BPTF: variants seen among roughly 807,000 people sequenced by gnomAD.
BPTF encodes nucleosome-remodeling factor subunit BPTF.
In BPTF, 18 loss-of-function variants were observed where a neutral mutation model predicts 292.5. The observed-to-expected ratio is 0.06, with a 90% confidence interval of 0.04 to 0.09. The LOEUF (loss-of-function observed/expected upper bound fraction) is 0.09. BPTF is among the 10% of genes least tolerant of loss of function. The pLI, the probability that BPTF is intolerant of heterozygous loss-of-function variation, is 1.00. For missense variants in BPTF, 2,726 were observed against 3,498.7 expected, an observed-to-expected ratio of 0.78 and a Z score of 5.57; for synonymous variants, 1,225 against 1,251.9, an observed-to-expected ratio of 0.98 and a Z score of 0.45.
chr17:67,938,751 T>C (rs748686993), intron 18 of BPTF, among the ~76,000 whole-genome samples: 15 of 152,196 alleles, frequency 9.9e-5, no homozygotes, highest in Non-Finnish European at 2.2e-4. Context: ...TTAAAAAGAC[T>C]AGTCTGGCCG....
At chr17:67,853,358 A>C (rs894810422) in intron 1 of BPTF, among the ~76,000 whole-genome samples, 3 of 152,000 alleles carry the variant, frequency 2.0e-5, no homozygotes, top group African/African-American at 4.8e-5. Flanking sequence ...CCTCCTCTGC[A>C]CTTCCTTCCT....
chr17:67,971,125 CT>C (rs2068711599), intron 26 of BPTF, among the ~76,000 whole-genome samples: 1 of 152,156 alleles, frequency 6.6e-6, no homozygotes, highest in African/African-American at 2.4e-5. Context: ...ACCGCCCAGG[CT>C]GGAGTGCAGT....
At chr17:67,945,290 G>A (rs1017269776) in intron 20 of BPTF, 119 bp from the exon 21 acceptor site, 1 of 1,498,040 alleles carries the variant, frequency 6.7e-7, no homozygotes, top group African/African-American at 1.4e-5. Flanking sequence ...AAGGTGCACA[G>A]GTGTGAGCCA....
At chr17:67,832,124 G>T (rs1314312549) in intron 1 of BPTF, among the ~76,000 whole-genome samples, 3 of 152,042 alleles carry the variant, frequency 2.0e-5, no homozygotes, top group African/African-American at 7.2e-5. Context: ...TCCTGACCTT[G>T]TGATCCGCCT....
chr17:67,869,827 CAAAAAAA>C (rs772941425), intron 3 of BPTF, among the ~76,000 whole-genome samples: 829 of 56,434 alleles, frequency 0.015, 6 homozygotes, highest in Non-Finnish European at 0.023. Flanking sequence ...ACTAAAAATA[CAAAAAAA>C]AAAAAAAAAA....
At chr17:67,856,917 G>A (rs1199386760) in intron 2 of BPTF, among the ~76,000 whole-genome samples, 3 of 152,018 alleles carry the variant, frequency 2.0e-5, no homozygotes, top group African/African-American at 7.3e-5. Context: ...AGCTTGAAGG[G>A]GAGAATGGTG....
At chr17:67,826,363 G>C in intron 1 of BPTF, 26 bp downstream of exon 1, 1 of 1,589,210 alleles carries the variant, frequency 6.3e-7, no homozygotes, top group Non-Finnish European at 8.6e-7. Flanking sequence ...AGTTGCTGCA[G>C]ACTCCTTCCC....
chr17:67,926,426 G>T (rs1046133288), intron 15 of BPTF, among the ~76,000 whole-genome samples: 1 of 142,290 alleles, frequency 7.0e-6, no homozygotes, highest in African/African-American at 2.6e-5. Context: ...CCGGGTTCAC[G>T]CCATTCTCCT....
intron 18 of BPTF, among the ~76,000 whole-genome samples, chr17:67,934,609 C>T (rs1018419503): frequency 3.3e-5 from 5 of 151,612 alleles, no homozygotes; most frequent in Non-Finnish European, 5.9e-5. Context: ...GGTGTGGTGG[C>T]TCACTCCTGT....
intron 3 of BPTF, among the ~76,000 whole-genome samples, chr17:67,871,806 C>T (rs2059755796): frequency 6.6e-6 from 1 of 151,904 alleles, no homozygotes; most frequent in Non-Finnish European, 1.5e-5. Context: ...GTCTCTTTTT[C>T]TTTTTGTTGT....
chr17:67,918,590 A>G (rs990495308), intron 11 of BPTF, 124 bp from the exon 12 acceptor site: 4 of 815,948 alleles, frequency 4.9e-6, no homozygotes, highest in East Asian at 5.9e-5. Context: ...AAACCATATT[A>G]TAAATACTGG....
In BPTF at chr17:67,854,238, C is replaced by G; in HGVS notation, c.912C>G (p.Thr304=). The G allele has an allele frequency of 1.9e-6, 3 of 1,614,166 alleles. No homozygotes were observed. Among genetic ancestry groups the G allele is most frequent in the South Asian group, 2.2e-5 (2 of 91,084 alleles). ...GTGAAGAAGACACTTCCAATACTAC[C>G]TTTGGACCTGCTGATCTGAAAGATA... ...VLREEDTSNT[T]FGPADLKDSV... is the part of the protein sequence containing the mutation. Residue 304 remains threonine, a synonymous_variant, in exon 2 of 28, where the codon ACC becomes ACG. Coordinates refer to ENST00000306378, the MANE Select transcript of BPTF (RefSeq NM_182641.4). This position sits in a 1 kb window ranked among gnomAD's most constrained non-coding sequence, Gnocchi z 5.6.
intron 12 of BPTF, among the ~76,000 whole-genome samples, chr17:67,919,217 AT>A (rs60254895): frequency 3.0e-5 from 4 of 131,612 alleles, no homozygotes; most frequent in African/African-American, 1.1e-4. Flanking sequence ...AATAATAATA[AT>A]AAAATATAAT....
chr17:67,851,820 G>A (rs1485818352), intron 1 of BPTF, among the ~76,000 whole-genome samples: 2 of 151,686 alleles, frequency 1.3e-5, no homozygotes, highest in Non-Finnish European at 2.9e-5. Context: ...CAGTTTGTTT[G>A]GTTAAACTGT....
Position 67,911,414 on chromosome 17 carries a change from C to T in BPTF, c.3530C>T (p.Thr1177Ile), listed in dbSNP as rs755627189. ...GATGTCTCCATTCGGAGCCCAGAAACAAAATGTCCGAAACAAAATTCCATT... is the reference window on the plus strand; with the variant it reads ...GATGTCTCCATTCGGAGCCCAGAAATAAAATGTCCGAAACAAAATTCCATT... ...LDDVSIRSPETKCPKQNSIEN... is the reference protein window; with the variant it reads ...LDDVSIRSPEIKCPKQNSIEN... The change falls in exon 11 of 28, where the codon ACA becomes ATA. Residue 1177 changes from threonine to isoleucine, a missense_variant. Thr to Ile is a moderately conservative substitution (Grantham distance 89, BLOSUM62 -1). This residue lies in a region of BPTF where 713 missense variants were observed against 714.9 expected (regional missense o/e 1.00). Coordinates refer to ENST00000306378, the MANE Select transcript of BPTF (RefSeq NM_182641.4). 3 of 1,613,928 alleles carry T rather than the reference C, an allele frequency of 1.9e-6. No homozygotes were observed. The highest frequency in any genetic ancestry group is 1.7e-5 in the Admixed American group (1 of 59,990).
In BPTF at chr17:67,929,499, T is replaced by A; in HGVS notation, c.6150+12T>A. ...CAAGCAATTCACAAGTAAGAATTCT[T>A]ACAGACTTATTTGGTTTGATGTGTT... On this transcript the variant is annotated intron_variant, in intron 17 of 27. Transcript: ENST00000306378. 6.2e-7 allele frequency: 1 copy of A among 1,613,280 alleles called. No homozygotes were observed. The highest frequency in any genetic ancestry group is 8.5e-7 in the Non-Finnish European group (1 of 1,179,580).
intron 2 of BPTF, among the ~76,000 whole-genome samples, chr17:67,862,944 C>T (rs1480972151): frequency 1.3e-5 from 2 of 151,558 alleles, no homozygotes; most frequent in African/African-American, 4.8e-5. Context: ...AAGCACCTAA[C>T]AGTTCTTCAG....
At chr17:67,970,561 A>G (rs901347754) in intron 26 of BPTF, among the ~76,000 whole-genome samples, 8 of 152,236 alleles carry the variant, frequency 5.3e-5, no homozygotes, top group African/African-American at 1.9e-4. Context: ...AGCAGTAAAC[A>G]TTTATTTTCT....
At chr17:67,939,528 G>A (rs533349295) in intron 18 of BPTF, among the ~76,000 whole-genome samples, 18 of 152,318 alleles carry the variant, frequency 1.2e-4, no homozygotes, top group African/African-American at 3.6e-4. Flanking sequence ...AAACTGTAGA[G>A]CCATTCCAGT....
Sources: gnomAD v4.1 joint callset for allele counts (sites outside exome capture counted in the v4.1 genomes callset) on GRCh38, gnomAD v4.1.1 for gene constraint, gnomAD v4.1.1 regional missense constraint, Gnocchi (gnomAD v3.1) non-coding constraint, MANE v1.5 for transcripts, NCBI Gene and HGNC (gene_info 2026-07-23, HGNC 2026-07-21) for gene names.